Variants in ACTR3C observed in about 807,000 individuals in gnomAD.
ACTR3C encodes the protein actin-related protein 3C.
In ACTR3C, 18 loss-of-function variants were observed where a neutral mutation model predicts 26.3. That is an observed-to-expected ratio of 0.68 (90% CI 0.47 to 1.01). ACTR3C has a LOEUF of 1.01. ACTR3C is among the 50% of genes least tolerant of loss of function. The pLI is 0.00. For missense variants in ACTR3C, 184 were observed against 250.7 expected (o/e 0.73, Z 1.80); for synonymous variants, 55 against 94.5 (o/e 0.58, Z 2.42).
chr7:150,314,654 T>G (rs980598472), intron 1 of ACTR3C, among the ~76,000 whole-genome samples: 3 of 151,840 alleles, frequency 2.0e-5, no homozygotes, highest in Non-Finnish European at 2.9e-5. Flanking sequence ...TTAAAAATAA[T>G]GTTTAAGGCT....
the ACTR3C span, among the ~76,000 whole-genome samples, chr7:150,126,857 G>A: frequency 2.0e-5 from 3 of 152,060 alleles, no homozygotes; most frequent in East Asian, 1.9e-4. Context: ...AGGGTTCATC[G>A]GGTAAAACTT....
the ACTR3C span, among the ~76,000 whole-genome samples, chr7:150,147,302 T>C: frequency 6.6e-6 from 1 of 152,194 alleles, no homozygotes; most frequent in African/African-American, 2.4e-5. Context: ...ATTGGATGAA[T>C]TATCTTTTTA....
the ACTR3C span, among the ~76,000 whole-genome samples, chr7:150,097,529 A>C: frequency 6.6e-6 from 1 of 151,784 alleles, no homozygotes; most frequent in Non-Finnish European, 1.5e-5. Context: ...AACCAGCATC[A>C]ACCTCACCTT....
the ACTR3C span, among the ~76,000 whole-genome samples, chr7:150,115,052 C>A: frequency 6.6e-6 from 1 of 152,168 alleles, no homozygotes; most frequent in African/African-American, 2.4e-5. Flanking sequence ...CCAAATCCCA[C>A]GTCTAGGAAA....
chr7:150,028,459 C>A, the ACTR3C span, among the ~76,000 whole-genome samples: 1 of 152,308 alleles, frequency 6.6e-6, no homozygotes, highest in African/African-American at 2.4e-5. Flanking sequence ...AATCATCAGA[C>A]TTTAAAGCAG....
At chr7:150,035,245 T>A in the ACTR3C span, among the ~76,000 whole-genome samples, 169 of 58,946 alleles carry the variant, frequency 2.9e-3, 2 homozygotes, top group East Asian at 9.2e-3. Context: ...TAAGAGCCAG[T>A]GGGGGAACCA....
the ACTR3C span, among the ~76,000 whole-genome samples, chr7:149,963,840 T>C: frequency 5.9e-5 from 9 of 152,234 alleles, no homozygotes; most frequent in African/African-American, 1.9e-4. Flanking sequence ...TAAAATACCA[T>C]TTCTAAGGCC....
the ACTR3C span, among the ~76,000 whole-genome samples, chr7:150,018,561 T>C: frequency 1.3e-5 from 2 of 150,082 alleles, no homozygotes. Context: ...TTCTTTCGTG[T>C]GTCAAGCGAA....
the ACTR3C span, among the ~76,000 whole-genome samples, chr7:150,080,882 C>T: frequency 6.6e-6 from 1 of 152,272 alleles, no homozygotes; most frequent in South Asian, 2.1e-4. Flanking sequence ...GGCATAAGTG[C>T]AGAAGAACTA....
the ACTR3C span, among the ~76,000 whole-genome samples, chr7:150,183,376 G>A: frequency 6.7e-6 from 1 of 149,020 alleles, no homozygotes; most frequent in East Asian, 1.9e-4. Flanking sequence ...TGTCTACTTC[G>A]ATAAACATCA....
the ACTR3C span, among the ~76,000 whole-genome samples, chr7:150,110,834 G>T: frequency 8.0e-6 from 1 of 125,552 alleles, no homozygotes; most frequent in Non-Finnish European, 1.7e-5. Context: ...TGGCAGGGGG[G>T]TGGGCTGTTG....
the ACTR3C span, among the ~76,000 whole-genome samples, chr7:150,006,277 A>C: frequency 6.3e-3 from 951 of 151,216 alleles, 22 homozygotes; most frequent in Admixed American, 0.047. Flanking sequence ...GCTCACTGCA[A>C]GCTCCACCTC....
chr7:150,198,213 G>T, the ACTR3C span, among the ~76,000 whole-genome samples: 1 of 148,946 alleles, frequency 6.7e-6, no homozygotes, highest in African/African-American at 2.5e-5. Context: ...CCTCCCAGCC[G>T]CCTGCCTTGG....
the ACTR3C span, among the ~76,000 whole-genome samples, chr7:150,107,013 T>C: frequency 6.9e-6 from 1 of 144,786 alleles, no homozygotes; most frequent in Non-Finnish European, 1.5e-5. Context: ...GAACCAGAAC[T>C]CACACCCATT....
the ACTR3C span, among the ~76,000 whole-genome samples, chr7:150,098,745 G>A: frequency 2.8e-3 from 421 of 151,928 alleles, 7 homozygotes; most frequent in African/African-American, 9.3e-3. Flanking sequence ...TCCATGCTCC[G>A]TGGTAACATC....
At chr7:149,912,504 ATTT>A in the ACTR3C span, among the ~76,000 whole-genome samples, 1 of 139,618 alleles carries the variant, frequency 7.2e-6, no homozygotes, top group Non-Finnish European at 1.5e-5. Context: ...AGATATATTA[ATTT>A]TTTTTTTTTT....
the ACTR3C span, among the ~76,000 whole-genome samples, chr7:149,923,057 A>G: frequency 7.6e-6 from 1 of 131,398 alleles, no homozygotes; most frequent in African/African-American, 2.8e-5. Flanking sequence ...CTAATTTCAT[A>G]ATTACTCATA....
At chr7:150,222,314 G>A in the ACTR3C span, among the ~76,000 whole-genome samples, 4 of 152,134 alleles carry the variant, frequency 2.6e-5, no homozygotes, top group African/African-American at 9.7e-5. Context: ...GCACATCCTT[G>A]GGCAAATTAT....
the ACTR3C span, among the ~76,000 whole-genome samples, chr7:149,895,225 T>C: frequency 7.1e-4 from 108 of 151,844 alleles, 1 homozygote; most frequent in African/African-American, 2.1e-3. Context: ...GAATGGTGGT[T>C]ACAGGGGGCT....
Sources: allele counts gnomAD v4.1 joint callset (sites outside exome capture counted in the v4.1 genomes callset), GRCh38; gene constraint gnomAD v4.1.1; transcripts MANE v1.5; gene names NCBI Gene and HGNC (gene_info 2026-07-23, HGNC 2026-07-21).